GALNT18: variants seen among roughly 807,000 people sequenced by gnomAD.
GALNT18 encodes GalNAc-transferase 18.
Under a neutral mutation model 69.5 loss-of-function variants are expected in GALNT18, and 44 were observed. The observed-to-expected ratio is 0.63, with a 90% confidence interval of 0.50 to 0.81. The LOEUF (loss-of-function observed/expected upper bound fraction) is 0.81, where lower values mean the gene tolerates loss of function less well. Ranked by LOEUF, GALNT18 falls within the 40% of genes least tolerant of loss-of-function variation. GALNT18 has a pLI of 0.00. For missense variants in GALNT18, 715 were observed against 810.0 expected, an observed-to-expected ratio of 0.88 and a Z score of 1.42; for synonymous variants, 364 against 318.2, an observed-to-expected ratio of 1.14 and a Z score of -1.53.
chr11:11,381,530 C>G (rs4453231), intron 3 of GALNT18, among the ~76,000 whole-genome samples: 39,887 of 152,202 alleles, frequency 0.26, 6,008 homozygotes, highest in Middle Eastern at 0.4. Flanking sequence ...TGAATTTCAC[C>G]TCTCTGAATT....
At position 11,301,383 on chromosome 11, in the gene GALNT18, G is replaced by A. The variant is rs139897065; in HGVS notation, c.1513-8190C>T. Reference sequence around the variant, plus strand: ...ACAGGCAGGCTGATTTAAGGGTTTGGTTATTGGTCATTAACCCCTTGACAC... The same window carrying A: ...ACAGGCAGGCTGATTTAAGGGTTTGATTATTGGTCATTAACCCCTTGACAC... On this transcript the variant is annotated intron_variant, in intron 9 of 10. Coordinates refer to ENST00000227756, the MANE Select transcript of GALNT18 (RefSeq NM_198516.3). 7.5e-3 allele frequency among the ~76,000 whole-genome samples: 1,149 copies of A among 152,282 alleles called. 11 individuals are homozygous for A. The highest frequency in any genetic ancestry group is 0.028 in the East Asian group (143 of 5,190).
chr11:11,276,096 G>A (rs768180294), intron 10 of GALNT18, among the ~76,000 whole-genome samples: 2 of 152,188 alleles, frequency 1.3e-5, no homozygotes, highest in Non-Finnish European at 2.9e-5. Flanking sequence ...GATGGGGATA[G>A]CACTGAATCT....
In GALNT18 at chr11:11,459,621, C is replaced by G. The variant is rs1855997173; in HGVS notation, c.236-10685G>C. ...GATTGGCTGTGTGACCCTCATCAAGCTCTTAAACCTCTCTGAAGCTCAGCT... is the reference window on the plus strand; with the variant it reads ...GATTGGCTGTGTGACCCTCATCAAGGTCTTAAACCTCTCTGAAGCTCAGCT... On this transcript the variant is annotated intron_variant, in intron 1 of 10. Transcript: ENST00000227756. This position sits in a 1 kb window ranked among gnomAD's most constrained non-coding sequence, Gnocchi z 5.0. Among the ~76,000 whole-genome samples the G allele has an allele frequency of 6.6e-6, 1 of 152,204 alleles. No individual in the cohort carries two copies. Among genetic ancestry groups the G allele is most frequent in the Non-Finnish European group, 1.5e-5 (1 of 68,040 alleles).
At chr11:11,516,043 A>G (rs1857268014) in intron 1 of GALNT18, among the ~76,000 whole-genome samples, 1 of 152,174 alleles carries the variant, frequency 6.6e-6, no homozygotes, top group African/African-American at 2.4e-5. Flanking sequence ...GTCTAGGAGT[A>G]TATGGGGCTG....
At chr11:11,568,806 C>T (rs1316995876) in intron 1 of GALNT18, among the ~76,000 whole-genome samples, 6 of 152,180 alleles carry the variant, frequency 3.9e-5, no homozygotes, top group Admixed American at 3.9e-4. Context: ...TTTTCAAACC[C>T]AGCATTGGTT....
At position 11,271,254 on chromosome 11, in the gene GALNT18, G is replaced by A; in HGVS notation, c.1714C>T (p.Leu572=). Reference sequence around the variant, plus strand: ...AGGTCGCTATTCTCCTGCAGCTCCAGACAGCGCTTAGACTTGCGGTTCTGG... The same window carrying A: ...AGGTCGCTATTCTCCTGCAGCTCCAAACAGCGCTTAGACTTGCGGTTCTGG... The part of the protein sequence containing the change: ...PIQNRKSKRC[L]ELQENSDLEF... The change falls in exon 11 of 11, where the codon CTG becomes TTG. Residue 572 remains leucine (L), a synonymous_variant. Transcript: ENST00000227756. 2 of 1,614,140 alleles carry A rather than the reference G, an allele frequency of 1.2e-6. No individual in the cohort carries two copies. Among genetic ancestry groups the A allele is most frequent in the Non-Finnish European group, 8.5e-7 (1 of 1,180,000 alleles).
intron 1 of GALNT18, among the ~76,000 whole-genome samples, chr11:11,607,653 G>C (rs568331278): frequency 3.3e-5 from 5 of 152,316 alleles, no homozygotes; most frequent in Non-Finnish European, 7.3e-5. Context: ...CTTCCTGCCT[G>C]CAATTGAAAT....
intron 6 of GALNT18, among the ~76,000 whole-genome samples, chr11:11,342,610 T>C (rs536468813): frequency 6.6e-6 from 1 of 152,338 alleles, no homozygotes; most frequent in South Asian, 2.1e-4. Context: ...CTTAAGCTTG[T>C]TTTGCCTTGA....
At chr11:11,393,086 T>C (rs557707302) in intron 3 of GALNT18, among the ~76,000 whole-genome samples, 2 of 152,302 alleles carry the variant, frequency 1.3e-5, no homozygotes, top group South Asian at 4.2e-4. Context: ...GAGCAGGCAG[T>C]CCAGCAGCGA....
chr11:11,361,483 C>T (rs1850645604), intron 6 of GALNT18, among the ~76,000 whole-genome samples: 1 of 152,154 alleles, frequency 6.6e-6, no homozygotes, highest in African/African-American at 2.4e-5. Flanking sequence ...TGTCATATTA[C>T]TATTAATCAT....
Position 11,542,821 on chromosome 11 carries a change from G to T in GALNT18, c.235+78538C>A, listed in dbSNP as rs1035967484. ...TGATAGCACTTTCCAACACTTTGGT[G>T]CTAAGGTTTTGTTTTGTTTTGCTTT... On this transcript the variant is annotated intron_variant, in intron 1 of 10. Transcript: ENST00000227756. This position sits in a 1 kb window ranked among gnomAD's most constrained non-coding sequence, Gnocchi z 4.3. 6.6e-6 allele frequency among the ~76,000 whole-genome samples: 1 copy of T among 152,196 alleles called. No individual in the cohort carries two copies. Among genetic ancestry groups the T allele is most frequent in the East Asian group, 1.9e-4 (1 of 5,196 alleles).
intron 1 of GALNT18, among the ~76,000 whole-genome samples, chr11:11,615,259 A>G (rs1031586134): frequency 6.6e-6 from 1 of 152,224 alleles, no homozygotes; most frequent in African/African-American, 2.4e-5. Context: ...ACAGAAAAAC[A>G]TCCAAGCTCA....
intron 3 of GALNT18, among the ~76,000 whole-genome samples, chr11:11,379,710 C>A (rs1386393532): frequency 1.3e-5 from 2 of 152,192 alleles, no homozygotes; most frequent in Non-Finnish European, 2.9e-5. Flanking sequence ...GCTCCTATAA[C>A]CCCCAGGGGA....
At chr11:11,348,304 G>C (rs1256855356) in intron 6 of GALNT18, among the ~76,000 whole-genome samples, 1 of 151,414 alleles carries the variant, frequency 6.6e-6, no homozygotes, top group African/African-American at 2.4e-5. Flanking sequence ...CTTGAACCCA[G>C]GAGGCGGAGA....
At chr11:11,358,026 C>T (rs1460118074) in intron 6 of GALNT18, among the ~76,000 whole-genome samples, 2 of 152,164 alleles carry the variant, frequency 1.3e-5, no homozygotes, top group African/African-American at 4.8e-5. Context: ...CAGCTCCTAT[C>T]TTTCTGGCTG....
chr11:11,286,210 ATCC>A (rs1849189824), intron 10 of GALNT18, among the ~76,000 whole-genome samples: 1 of 152,212 alleles, frequency 6.6e-6, no homozygotes, highest in African/African-American at 2.4e-5. Context: ...ATTTCATCAG[ATCC>A]TCCTGTTTTT....
intron 1 of GALNT18, among the ~76,000 whole-genome samples, chr11:11,571,857 C>A (rs1858800445): frequency 6.6e-6 from 1 of 152,196 alleles, no homozygotes; most frequent in Non-Finnish European, 1.5e-5. Context: ...ACAGTATCTG[C>A]CTGGCTACAG....
intron 1 of GALNT18, among the ~76,000 whole-genome samples, chr11:11,476,746 T>G (rs1162870671): frequency 6.6e-6 from 1 of 152,132 alleles, no homozygotes; most frequent in Non-Finnish European, 1.5e-5. Context: ...ATGTGACAGG[T>G]GCAAGGAGAA....
intron 1 of GALNT18, among the ~76,000 whole-genome samples, chr11:11,509,266 T>C (rs906374011): frequency 6.6e-5 from 10 of 152,198 alleles, no homozygotes; most frequent in Non-Finnish European, 1.2e-4. Context: ...ATCAGTGAAG[T>C]TCTAATACCA....
Sources: gnomAD v4.1 joint callset for allele counts (sites outside exome capture counted in the v4.1 genomes callset) on GRCh38, gnomAD v4.1.1 for gene constraint, Gnocchi (gnomAD v3.1) non-coding constraint, MANE v1.5 for transcripts, NCBI Gene and HGNC (gene_info 2026-07-23, HGNC 2026-07-21) for gene names.